Variants in TEX264 observed in about 807,000 individuals in gnomAD.
TEX264 encodes testis-expressed protein 264.
A neutral mutation model predicts 23.4 loss-of-function variants in TEX264; 13 were observed. The ratio of observed to expected loss-of-function variants is 0.56; its 90% confidence interval spans 0.36 to 0.88. The LOEUF (loss-of-function observed/expected upper bound fraction) is 0.88. TEX264 is among the 40% of genes least tolerant of loss of function. TEX264 has a pLI of 0.01. For missense variants in TEX264, 340 were observed against 406.8 expected (o/e 0.84, Z 1.41); for synonymous variants, 159 against 170.0 (o/e 0.94, Z 0.50).
chr3:51,702,466 G>C (rs1559685752), intron 4 of TEX264, among the ~76,000 whole-genome samples: 1 of 152,168 alleles, frequency 6.6e-6, no homozygotes, highest in African/African-American at 2.4e-5. Flanking sequence ...GGTGGGGGTA[G>C]GGAGAGACCC....
chr3:51,684,736 A>G, intron 3 of TEX264, 102 bp downstream of exon 3: 2 of 1,178,348 alleles, frequency 1.7e-6, no homozygotes, highest in Non-Finnish European at 2.4e-6. Flanking sequence ...GTTTTGGGAG[A>G]GCAGCACCCT....
At chr3:51,698,517 T>A (rs1462505967) in intron 3 of TEX264, among the ~76,000 whole-genome samples, 1 of 152,180 alleles carries the variant, frequency 6.6e-6, no homozygotes. Flanking sequence ...TGGCTGTCCC[T>A]GCCTGCCTCA....
chr3:51,701,333 T>C (rs1230629475), intron 4 of TEX264, among the ~76,000 whole-genome samples: 3 of 151,654 alleles, frequency 2.0e-5, no homozygotes, highest in African/African-American at 4.9e-5. Context: ...TTTTTTTTTT[T>C]TCTTCTGCGG....
At chr3:51,694,703 C>G (rs1702990080) in intron 3 of TEX264, 1 of 152,512 alleles carries the variant, frequency 6.6e-6, no homozygotes, top group Non-Finnish European at 1.5e-5. Context: ...CCTCTTTTCC[C>G]TCCCTGGCCA....
At chr3:51,693,138 C>T (rs1489617118) in intron 3 of TEX264, among the ~76,000 whole-genome samples, 8 of 152,242 alleles carry the variant, frequency 5.3e-5, no homozygotes, top group Non-Finnish European at 1.2e-4. Context: ...AGGCCCTCCT[C>T]CACAGGACAC....
intron 2 of TEX264, among the ~76,000 whole-genome samples, chr3:51,680,169 C>T (rs1185150328): frequency 2.0e-5 from 3 of 152,140 alleles, no homozygotes; most frequent in African/African-American, 7.2e-5. Flanking sequence ...TGCTGCTGTC[C>T]CTGTCAGGTT....
intron 1 of TEX264, among the ~76,000 whole-genome samples, chr3:51,673,502 C>G (rs1440535825): frequency 1.3e-5 from 2 of 152,206 alleles, no homozygotes; most frequent in African/African-American, 2.4e-5. Context: ...CAGCCTTTTC[C>G]TCTTACTACT....
At chr3:51,689,667 C>T (rs1485117240) in intron 3 of TEX264, among the ~76,000 whole-genome samples, 1 of 152,118 alleles carries the variant, frequency 6.6e-6, no homozygotes, top group Non-Finnish European at 1.5e-5. Context: ...TGGAAGGGAG[C>T]TTCTAAGGCT....
intron 2 of TEX264, among the ~76,000 whole-genome samples, chr3:51,677,631 C>T (rs1702275136): frequency 6.6e-6 from 1 of 152,208 alleles, no homozygotes. Context: ...AGCTCCCTAG[C>T]CATGCCTCGT....
chr3:51,672,442 G>C (rs1250169071), intron 1 of TEX264: 1 of 152,224 alleles, frequency 6.6e-6, no homozygotes, highest in African/African-American at 2.4e-5. Flanking sequence ...GGAAGTGAGA[G>C]GAAGAGAAAG....
At chr3:51,696,184 A>G (rs1209685713) in intron 3 of TEX264, among the ~76,000 whole-genome samples, 1 of 152,140 alleles carries the variant, frequency 6.6e-6, no homozygotes, top group African/African-American at 2.4e-5. Context: ...TGTCAGTGGC[A>G]GAGCACGTTC....
chr3:51,699,509 TGAA>T lies in TEX264; in HGVS notation c.586_588del (p.Lys196del), dbSNP rs1469916424. On this transcript the variant is annotated inframe_deletion, in exon 4 of 5. Transcript: ENST00000341333. The stretch of plus-strand genomic sequence containing the variant: ...CAGGGAGACTTCTATGTGCCTGAGA[TGAA>T]GGAGACAGAGTGGAAATGGCGGGGG... 3 of 1,614,046 alleles carry T rather than the reference TGAA, an allele frequency of 1.9e-6. No individual in the cohort carries two copies. The highest frequency in any genetic ancestry group is 3.3e-5 in the Admixed American group (2 of 60,020).
rs776016190 is a variant in TEX264, at chr3:51,674,344, ACT to A, written c.45_46del (p.Leu16ThrfsTer43). 5 of 1,613,866 alleles carry A rather than the reference ACT, an allele frequency of 3.1e-6. No individual in the cohort carries two copies. Among genetic ancestry groups the A allele is most frequent in the Non-Finnish European group, 4.2e-6 (5 of 1,179,958 alleles). On this transcript the variant is annotated frameshift_variant, in exon 2 of 5. Coordinates refer to ENST00000341333, the MANE Select transcript of TEX264 (RefSeq NM_015926.6). LOFTEE classifies it high-confidence loss of function. ...ACTACTGGGCCTGATTGGGGGCCTG[ACT>A]CTCTTACTGCTGCTGACGCTGCTGG... ...LLLLGLIGGLTLLLLLTLLAF... is the reference protein window; with the variant it reads ...LLLLGLIGGLXLLLLLTLLAF...
chr3:51,699,282 A>G, intron 3 of TEX264, 124 bp from the exon 4 acceptor site: 3 of 950,278 alleles, frequency 3.2e-6, no homozygotes, highest in South Asian at 3.2e-5. Flanking sequence ...AACTTGGAAG[A>G]GGTTGAGAGG....
intron 3 of TEX264, among the ~76,000 whole-genome samples, chr3:51,692,390 A>G (rs1702860494): frequency 6.6e-6 from 1 of 152,182 alleles, no homozygotes; most frequent in Non-Finnish European, 1.5e-5. Flanking sequence ...AGGAGAGGCT[A>G]GCTGTCTAGT....
intron 4 of TEX264, among the ~76,000 whole-genome samples, chr3:51,700,854 C>T (rs1238657675): frequency 1.3e-5 from 2 of 151,764 alleles, no homozygotes; most frequent in African/African-American, 2.4e-5. Flanking sequence ...GCCAAGGGGT[C>T]TGCCCACCTC....
intron 4 of TEX264, among the ~76,000 whole-genome samples, chr3:51,700,564 A>C (rs551956475): frequency 2.2e-4 from 33 of 151,982 alleles, no homozygotes; most frequent in Non-Finnish European, 4.1e-4. Context: ...CAGTGCCCCT[A>C]CTGTGGGCAC....
intron 3 of TEX264, among the ~76,000 whole-genome samples, chr3:51,685,155 A>T (rs1427774583): frequency 6.6e-6 from 1 of 152,222 alleles, no homozygotes; most frequent in Non-Finnish European, 1.5e-5. Context: ...GTTACTGGCA[A>T]TGCTGGCAGC....
At chr3:51,689,029 G>A (rs1702729556) in intron 3 of TEX264, among the ~76,000 whole-genome samples, 2 of 152,124 alleles carry the variant, frequency 1.3e-5, no homozygotes, top group South Asian at 4.1e-4. Context: ...TGAGGTGGGA[G>A]GATCGCTTGA....
Sources: allele counts gnomAD v4.1 joint callset (sites outside exome capture counted in the v4.1 genomes callset), GRCh38; gene constraint gnomAD v4.1.1; transcripts MANE v1.5; gene names NCBI Gene and HGNC (gene_info 2026-07-23, HGNC 2026-07-21).